CAPN7: variants seen among roughly 807,000 people sequenced by gnomAD.
The protein encoded by CAPN7 is calpain 7, also known as calpain-7.
Under a neutral mutation model 115.2 loss-of-function variants are expected in CAPN7, and 72 were observed. The observed-to-expected ratio is 0.63, with a 90% CI of 0.52 to 0.76. The LOEUF (loss-of-function observed/expected upper bound fraction) is 0.76. CAPN7 is among the 30% of genes least tolerant of loss of function. The probability of loss-of-function intolerance (pLI) is 0.00; values close to 1 mark genes in which losing one functional copy is unlikely to be tolerated. For synonymous variants in CAPN7, 344 were observed against 322.3 expected (o/e 1.07, Z -0.72); for missense variants, 905 against 971.5 (o/e 0.93, Z 0.91).
chr3:15,211,164 CTG>C (rs1038634466), intron 1 of CAPN7, among the ~76,000 whole-genome samples: 2 of 152,142 alleles, frequency 1.3e-5, no homozygotes, highest in African/African-American at 4.8e-5. Flanking sequence ...GTGGAGAAAA[CTG>C]TTTTCCTTTT....
At position 15,217,406 on chromosome 3, in the gene CAPN7, ATTTT is replaced by A. The variant is rs577905388; in HGVS notation, c.212-13_212-10del. ...TATTTAGATAATACTCCTTCTGCGT[ATTTT>A]TTTTTCTATCCTAGTTCAGTCAAAG... is the stretch of plus-strand genomic sequence containing the variant. On this transcript the variant is annotated splice_polypyrimidine_tract_variant and intron_variant, in intron 2 of 20. Transcript: ENST00000253693. The A allele has an allele frequency of 6.5e-7, 1 of 1,539,896 alleles. No individual in the cohort carries two copies. Among genetic ancestry groups the A allele is most frequent in the South Asian group, 1.2e-5 (1 of 81,620 alleles).
chr3:15,212,406 T>G (rs1559384462), intron 2 of CAPN7, among the ~76,000 whole-genome samples, 194 bp downstream of exon 2: 1 of 152,228 alleles, frequency 6.6e-6, no homozygotes, highest in Non-Finnish European at 1.5e-5. Context: ...AAGAGGAACC[T>G]TATAGACAAT....
chr3:15,244,985 C>G (rs1436330695), intron 16 of CAPN7, among the ~76,000 whole-genome samples: 1 of 150,704 alleles, frequency 6.6e-6, no homozygotes, highest in African/African-American at 2.4e-5. Context: ...TTTTTTCATT[C>G]ATTTTTAGGA....
At chr3:15,248,996 A>AT (rs1695836396) in intron 19 of CAPN7, among the ~76,000 whole-genome samples, 1 of 144,548 alleles carries the variant, frequency 6.9e-6, no homozygotes, top group East Asian at 2.0e-4. Flanking sequence ...ACCCTGTCTC[A>AT]TACAACAACC....
intron 1 of CAPN7, among the ~76,000 whole-genome samples, chr3:15,209,010 C>CT (rs2044787165): frequency 6.6e-6 from 1 of 151,988 alleles, no homozygotes; most frequent in African/African-American, 2.4e-5. Context: ...ATTTTATAAT[C>CT]TTTTTTCCTT....
chr3:15,247,568 C>A, intron 19 of CAPN7, 111 bp downstream of exon 19: 1 of 779,456 alleles, frequency 1.3e-6, no homozygotes, highest in Non-Finnish European at 2.0e-6. Flanking sequence ...GGATTTATAA[C>A]AATGGCATTA....
intron 4 of CAPN7, 140 bp from the exon 5 acceptor site, chr3:15,220,641 T>C: frequency 3.1e-6 from 2 of 655,546 alleles, no homozygotes; most frequent in Non-Finnish European, 5.4e-6. Context: ...AGTAGTGAAA[T>C]GTTGATTAGT....
In CAPN7 at chr3:15,218,560, T is replaced by C; in HGVS notation, c.437+20T>C. 1 of 1,570,788 alleles carries C rather than the reference T, an allele frequency of 6.4e-7. No individual in the cohort carries two copies. The highest frequency in any genetic ancestry group is 8.7e-7 in the Non-Finnish European group (1 of 1,143,078). ...AGACAGGTGAGTTTGATCTCTCAAG[T>C]TCTAATCCATGGATGGCACTTAGTG... On this transcript the variant is annotated intron_variant, in intron 4 of 20. Coordinates refer to ENST00000253693, the MANE Select transcript of CAPN7 (RefSeq NM_014296.3).
intron 1 of CAPN7, among the ~76,000 whole-genome samples, chr3:15,210,468 G>C (rs934139764): frequency 2.0e-5 from 3 of 148,480 alleles, no homozygotes. Flanking sequence ...TACATGTAAA[G>C]TTATACTTTC....
At chr3:15,213,936 G>A (rs568564781) in intron 2 of CAPN7, among the ~76,000 whole-genome samples, 10 of 149,510 alleles carry the variant, frequency 6.7e-5, no homozygotes, top group Non-Finnish European at 1.3e-4. Flanking sequence ...CTGGAGTGCA[G>A]TGGCGCGATC....
At chr3:15,243,007 C>A in intron 16 of CAPN7, among the ~76,000 whole-genome samples, 1 of 151,856 alleles carries the variant, frequency 6.6e-6, no homozygotes, top group East Asian at 1.9e-4. Flanking sequence ...TACTGATACA[C>A]GTGTAAAAAA....
chr3:15,222,889 C>G (rs149723723), intron 5 of CAPN7, among the ~76,000 whole-genome samples: 2 of 152,158 alleles, frequency 1.3e-5, no homozygotes, highest in East Asian at 3.8e-4. Context: ...TGAAGTTACT[C>G]TGCAACATCT....
chr3:15,236,835 G>T (rs1695020778), intron 12 of CAPN7, among the ~76,000 whole-genome samples: 1 of 152,204 alleles, frequency 6.6e-6, no homozygotes. Flanking sequence ...CCTGTATAGG[G>T]CACTTACATG....
intron 10 of CAPN7, among the ~76,000 whole-genome samples, chr3:15,233,308 G>A (rs1694801721): frequency 2.0e-5 from 3 of 152,182 alleles, no homozygotes; most frequent in Non-Finnish European, 4.4e-5. Flanking sequence ...TAGTTTCCCT[G>A]CCAAACCAGG....
chr3:15,218,186 G>A (rs1693753112), intron 3 of CAPN7, among the ~76,000 whole-genome samples: 1 of 152,192 alleles, frequency 6.6e-6, no homozygotes, highest in Admixed American at 6.5e-5. Context: ...CTAAATGAGT[G>A]CTAGTGTTCT....
At chr3:15,234,615 A>T (rs1024084025) in intron 11 of CAPN7, among the ~76,000 whole-genome samples, 5 of 152,216 alleles carry the variant, frequency 3.3e-5, no homozygotes, top group African/African-American at 9.6e-5. Context: ...CCTTAAATGG[A>T]TAATCCATAT....
chr3:15,248,046 G>T lies in CAPN7; in HGVS notation c.2204+589G>T, dbSNP rs140427505. Among the ~76,000 whole-genome samples the T allele has an allele frequency of 5.5e-4, 83 of 151,790 alleles. 1 individual carries two copies. The highest frequency in any genetic ancestry group is 1.8e-3 in the African/African-American group (73 of 41,154). On this transcript the variant is annotated intron_variant, in intron 19 of 20. Coordinates refer to ENST00000253693, the MANE Select transcript of CAPN7 (RefSeq NM_014296.3). ...GTTGTGGGGTGAGGGGAGGGGAGAG[G>T]GATAGCACTGGGAGATATACCTAAT...
At chr3:15,212,289 C>T (rs2045001908) in intron 2 of CAPN7, 77 bp downstream of exon 2, 2 of 752,800 alleles carry the variant, frequency 2.7e-6, no homozygotes, top group South Asian at 2.0e-5. Context: ...GTTTGTTTCT[C>T]TTCTTCATTT....
chr3:15,228,703 T>G (rs931817338), intron 7 of CAPN7, among the ~76,000 whole-genome samples: 7 of 152,104 alleles, frequency 4.6e-5, no homozygotes, highest in African/African-American at 1.7e-4. Flanking sequence ...GGGTTCTACT[T>G]GAGCGTGGAG....
Sources: allele counts gnomAD v4.1 joint callset (sites outside exome capture counted in the v4.1 genomes callset), GRCh38; gene constraint gnomAD v4.1.1; transcripts MANE v1.5; gene names NCBI Gene and HGNC (gene_info 2026-07-23, HGNC 2026-07-21).